Variants in POU3F3 observed in about 807,000 individuals in gnomAD.
POU3F3 encodes POU domain, class 3, transcription factor 3.
In POU3F3, 1 loss-of-function variant was observed where a neutral mutation model predicts 8.6. The ratio of observed to expected loss-of-function variants is 0.12; its 90% CI spans 0.04 to 0.55. POU3F3 has a LOEUF of 0.55. Among genes scored for constraint, POU3F3 ranks in the 20% least tolerant of loss-of-function variants. The pLI, the probability that POU3F3 is intolerant of heterozygous loss-of-function variation, is 0.91. For synonymous variants in POU3F3, 418 were observed against 327.4 expected (o/e 1.28, Z -2.99); for missense variants, 577 against 690.7 (o/e 0.84, Z 1.84).
chr2:104,905,320 T>C, the POU3F3 span, among the ~76,000 whole-genome samples: 1 of 152,200 alleles, frequency 6.6e-6, no homozygotes, highest in Non-Finnish European at 1.5e-5. Context: ...CATAGACTAT[T>C]TTACAAACTG....
chr2:104,906,021 T>G, the POU3F3 span, among the ~76,000 whole-genome samples: 4 of 152,238 alleles, frequency 2.6e-5, no homozygotes, highest in Non-Finnish European at 5.9e-5. Flanking sequence ...TTGGTTGGCT[T>G]GCTTGCTTGC....
chr2:104,919,374 G>T, the POU3F3 span, among the ~76,000 whole-genome samples: 1 of 152,172 alleles, frequency 6.6e-6, no homozygotes, highest in Non-Finnish European at 1.5e-5. Context: ...TGGTGAGTTT[G>T]TCCTTCTTGG....
the POU3F3 span, among the ~76,000 whole-genome samples, chr2:104,917,156 A>G: frequency 6.6e-6 from 1 of 152,222 alleles, no homozygotes; most frequent in Non-Finnish European, 1.5e-5. Flanking sequence ...CCACACCACT[A>G]GCTTTCCTAG....
the POU3F3 span, among the ~76,000 whole-genome samples, chr2:104,905,376 C>A: frequency 6.6e-6 from 1 of 152,006 alleles, no homozygotes; most frequent in South Asian, 2.1e-4. Flanking sequence ...TTATTCTTAC[C>A]CTCCAGGGTT....
At chr2:104,915,488 A>G in the POU3F3 span, among the ~76,000 whole-genome samples, 1 of 152,194 alleles carries the variant, frequency 6.6e-6, no homozygotes, top group African/African-American at 2.4e-5. Context: ...CAAGGAATGA[A>G]AAAAGAATCG....
chr2:104,910,839 AAAAG>A, the POU3F3 span, among the ~76,000 whole-genome samples: 1 of 152,242 alleles, frequency 6.6e-6, no homozygotes, highest in Non-Finnish European at 1.5e-5. Flanking sequence ...GCTCAGGAAA[AAAAG>A]AAAGAAAAAA....
the POU3F3 span, among the ~76,000 whole-genome samples, chr2:104,895,976 G>A: frequency 6.6e-6 from 1 of 152,172 alleles, no homozygotes; most frequent in Non-Finnish European, 1.5e-5. Context: ...CCTGCAGGTG[G>A]GCAGCTGGGG....
At chr2:104,886,990 C>T in the POU3F3 span, among the ~76,000 whole-genome samples, 2 of 151,976 alleles carry the variant, frequency 1.3e-5, no homozygotes, top group South Asian at 4.2e-4. Context: ...ACAGAGCAGC[C>T]CCGAGGGCTG....
the POU3F3 span, among the ~76,000 whole-genome samples, chr2:104,883,226 G>A: frequency 1.1e-3 from 163 of 152,326 alleles, 2 homozygotes; most frequent in African/African-American, 3.7e-3. Flanking sequence ...CATTAGCGGG[G>A]CAGAGCCATC....
chr2:104,913,963 G>T, the POU3F3 span, among the ~76,000 whole-genome samples: 1 of 152,050 alleles, frequency 6.6e-6, no homozygotes, highest in Non-Finnish European at 1.5e-5. Flanking sequence ...TTTTGGATCT[G>T]GGAAACCCCT....
chr2:104,872,669 C>T, the POU3F3 span: 6 of 265,258 alleles, frequency 2.3e-5, no homozygotes, highest in South Asian at 1.1e-4. This position sits in a 1 kb window ranked among gnomAD's most constrained non-coding sequence, Gnocchi z 4.6. Flanking sequence ...CCGCGTGCAG[C>T]ATTAAATATT....
the POU3F3 span, among the ~76,000 whole-genome samples, chr2:104,921,289 G>C: frequency 6.6e-6 from 1 of 152,108 alleles, no homozygotes; most frequent in African/African-American, 2.4e-5. Context: ...AATCACACCA[G>C]GATTAGACAG....
chr2:104,862,076 A>G (rs978374368), downstream of POU3F3, among the ~76,000 whole-genome samples: 1 of 152,176 alleles, frequency 6.6e-6, no homozygotes, highest in Admixed American at 6.5e-5. Context: ...CTCATGGCCT[A>G]TTAATTAGAT....
At chr2:104,901,414 C>T in the POU3F3 span, among the ~76,000 whole-genome samples, 1 of 152,186 alleles carries the variant, frequency 6.6e-6, no homozygotes, top group Non-Finnish European at 1.5e-5. Context: ...TGAGCTGCTC[C>T]TTGGGGTCCC....
chr2:104,900,623 T>C, the POU3F3 span, among the ~76,000 whole-genome samples: 1 of 152,230 alleles, frequency 6.6e-6, no homozygotes, highest in Non-Finnish European at 1.5e-5. Context: ...TTGTTTTAGG[T>C]AACACGTAAA....
the POU3F3 span, among the ~76,000 whole-genome samples, chr2:104,863,922 A>G: frequency 6.6e-6 from 1 of 152,208 alleles, no homozygotes; most frequent in Admixed American, 6.5e-5. Flanking sequence ...GCAAGGCCGG[A>G]GGCGGCCGGC....
chr2:104,906,659 T>C, the POU3F3 span, among the ~76,000 whole-genome samples: 5 of 152,236 alleles, frequency 3.3e-5, no homozygotes, highest in South Asian at 2.1e-4. Context: ...TTCTCCATTA[T>C]GCGATTTTTT....
Position 104,856,147 on chromosome 2 carries a change from C to T in POU3F3, c.637C>T (p.Gln213Ter). 8.1e-7 allele frequency: 1 copy of T among 1,236,842 alleles called. No individual in the cohort carries two copies. Among genetic ancestry groups the T allele is most frequent in the South Asian group, 2.9e-5 (1 of 34,474 alleles). 76.6% of individuals were successfully genotyped at this position (1,236,842 alleles called of 1,614,324 possible). A position where few individuals can be genotyped will look rare whatever the true frequency, so the allele number is the denominator to read the frequency against. Reference sequence around the variant, plus strand: ...GCACCTCCCGTCCATGGCCGGGGGCCAGCAGCCGCCGCCGCAGAGTCTGCT... The same window carrying T: ...GCACCTCCCGTCCATGGCCGGGGGCTAGCAGCCGCCGCCGCAGAGTCTGCT... ...AAHLPSMAGG[Q>*]QPPPQSLLYS... Residue 213 changes from glutamine to a stop codon, truncating the protein, a stop_gained, in exon 1 of 1, where the codon CAG becomes TAG. Transcript: ENST00000361360. LOFTEE classifies it low-confidence loss of function (END_TRUNC).
the POU3F3 span, among the ~76,000 whole-genome samples, chr2:104,870,508 G>A: frequency 1.3e-5 from 2 of 152,208 alleles, no homozygotes; most frequent in Non-Finnish European, 2.9e-5. Flanking sequence ...TTCTACCTAG[G>A]AGGAAGGTGA....
Sources: allele counts gnomAD v4.1 joint callset (sites outside exome capture counted in the v4.1 genomes callset), GRCh38; gene constraint gnomAD v4.1.1; non-coding constraint Gnocchi (gnomAD v3.1); transcripts MANE v1.5; gene names NCBI Gene and HGNC (gene_info 2026-07-23, HGNC 2026-07-21).